The following CNIH3 variants were observed in gnomAD, a reference collection of about 807,000 sequenced individuals.
CNIH3 encodes protein cornichon homolog 3.
Under a neutral mutation model 24.1 loss-of-function variants are expected in CNIH3, and 14 were observed. That is an observed-to-expected ratio of 0.58 (90% confidence interval 0.38 to 0.91). The LOEUF (loss-of-function observed/expected upper bound fraction) is 0.91. Ranked by LOEUF, CNIH3 falls within the 40% of genes least tolerant of loss-of-function variation. The pLI is 0.00. For missense variants in CNIH3, 178 were observed against 196.8 expected (o/e 0.90, Z 0.57); for synonymous variants, 68 against 73.8 (o/e 0.92, Z 0.40).
chr1:224,448,961 C>CTT (rs397983008), intron 1 of CNIH3, among the ~76,000 whole-genome samples: 36 of 115,214 alleles, frequency 3.1e-4, no homozygotes, highest in African/African-American at 4.1e-4. Flanking sequence ...AGCTGGGATT[C>CTT]TTTTTTTTTT....
At position 224,568,291 on chromosome 1, in the gene CNIH3, ACAAACAAG is replaced by A. The variant is rs987805705; in HGVS notation, n.516+2035_516+2042del. 5.5e-5 allele frequency among the ~76,000 whole-genome samples: 5 copies of A among 91,448 alleles called. No homozygotes were observed. In the South Asian group the frequency reaches 1.3e-3, roughly 23 times the overall value. 60.0% of individuals were successfully genotyped at this position (91,448 alleles called of 152,430 possible). On this transcript the variant is annotated intron_variant and non_coding_transcript_variant, in intron 4 of 5. Transcript: ENST00000471578. ...GTGACAGAGCAAGACTCTGTCTCAA[ACAAACAAG>A]CAAACAAACAAAAAAAATTTATAAT...
intron 1 of CNIH3, among the ~76,000 whole-genome samples, chr1:224,617,620 G>A (rs1470619775): frequency 6.6e-6 from 1 of 152,250 alleles, no homozygotes; most frequent in Non-Finnish European, 1.5e-5. Context: ...CCGGCAATTA[G>A]TCAAGTAGCT....
At chr1:224,602,627 C>G (rs1019942928) in intron 3 of CNIH3, among the ~76,000 whole-genome samples, 1 of 152,052 alleles carries the variant, frequency 6.6e-6, no homozygotes, top group African/African-American at 2.4e-5. Context: ...AAGAGAAAAC[C>G]AAATAGAAGT....
chr1:224,701,007 A>G (rs375071618), intron 3 of CNIH3, among the ~76,000 whole-genome samples: 28 of 152,272 alleles, frequency 1.8e-4, no homozygotes, highest in African/African-American at 5.3e-4. Flanking sequence ...CAGGCACTTC[A>G]CTGCCCAGAA....
chr1:224,600,729 C>T (rs6698835), intron 3 of CNIH3, among the ~76,000 whole-genome samples: 3,970 of 152,222 alleles, frequency 0.026, 177 homozygotes, highest in African/African-American at 0.09. Flanking sequence ...AATTCATATG[C>T]TGAATACCCA....
At chr1:224,479,786 ATCCC>A (rs1246729050) in intron 1 of CNIH3, among the ~76,000 whole-genome samples, 1 of 152,190 alleles carries the variant, frequency 6.6e-6, no homozygotes, top group Admixed American at 6.5e-5. Context: ...GGGCAGCTCC[ATCCC>A]TGTGGCTTTG....
At chr1:224,710,247 C>T (rs897491110) in intron 3 of CNIH3, among the ~76,000 whole-genome samples, 3 of 152,236 alleles carry the variant, frequency 2.0e-5, no homozygotes, top group African/African-American at 7.2e-5. Flanking sequence ...ATTTACACCA[C>T]ATCTCTTGTC....
intron 5 of CNIH3, among the ~76,000 whole-genome samples, chr1:224,738,564 T>A (rs767953780): frequency 3.3e-5 from 5 of 152,208 alleles, no homozygotes; most frequent in Non-Finnish European, 5.9e-5. Flanking sequence ...TAGATGAATC[T>A]TTTTTTCTCA....
chr1:224,631,173 A>G (rs1405730828), intron 1 of CNIH3, among the ~76,000 whole-genome samples: 1 of 152,074 alleles, frequency 6.6e-6, no homozygotes, highest in Non-Finnish European at 1.5e-5. Flanking sequence ...AAACAACAAC[A>G]ACAACAACAA....
intron 3 of CNIH3, among the ~76,000 whole-genome samples, chr1:224,728,813 A>T (rs1393925154): frequency 6.6e-6 from 1 of 152,232 alleles, no homozygotes; most frequent in African/African-American, 2.4e-5. Context: ...TGTTGTAAAC[A>T]TATGCACTTG....
At chr1:224,519,217 C>T (rs1412045252) in intron 1 of CNIH3, among the ~76,000 whole-genome samples, 1 of 152,160 alleles carries the variant, frequency 6.6e-6, no homozygotes, top group Admixed American at 6.5e-5. Flanking sequence ...CTCACAGCAC[C>T]GCATGGCAGG....
intron 1 of CNIH3, among the ~76,000 whole-genome samples, chr1:224,466,060 C>T (rs1676141972): frequency 6.6e-6 from 1 of 152,040 alleles, no homozygotes; most frequent in Non-Finnish European, 1.5e-5. Flanking sequence ...AACAAAAACC[C>T]AGAAATTGGC....
chr1:224,523,690 A>G (rs923925912), intron 2 of CNIH3, among the ~76,000 whole-genome samples: 2 of 152,190 alleles, frequency 1.3e-5, no homozygotes, highest in African/African-American at 4.8e-5. Context: ...GCACTTCTCT[A>G]TATGTGTGTT....
chr1:224,645,200 C>G (rs1319221261), intron 1 of CNIH3, among the ~76,000 whole-genome samples: 1 of 152,194 alleles, frequency 6.6e-6, no homozygotes, highest in Non-Finnish European at 1.5e-5. Flanking sequence ...CGTGTTTGAT[C>G]AGTTCTCTCT....
chr1:224,437,366 T>G (rs997789651), intron 1 of CNIH3, among the ~76,000 whole-genome samples: 5 of 152,184 alleles, frequency 3.3e-5, no homozygotes, highest in African/African-American at 1.2e-4. Context: ...AAATAAGAGG[T>G]AACTTCTTGT....
chr1:224,575,057 GGT>G (rs1401359623), intron 4 of CNIH3: 4 of 876,078 alleles, frequency 4.6e-6, no homozygotes, highest in Non-Finnish European at 5.9e-6. Flanking sequence ...AAGGCATCAT[GGT>G]GACTGCCTAC....
intron 1 of CNIH3, among the ~76,000 whole-genome samples, chr1:224,453,288 T>G (rs1050033831): frequency 6.6e-6 from 1 of 151,996 alleles, no homozygotes; most frequent in Non-Finnish European, 1.5e-5. Flanking sequence ...TTCCAGTCCT[T>G]CCAGCTTCGC....
At chr1:224,484,955 G>A (rs972779690) in intron 1 of CNIH3, among the ~76,000 whole-genome samples, 1 of 152,126 alleles carries the variant, frequency 6.6e-6, no homozygotes, top group South Asian at 2.1e-4. Flanking sequence ...TTCTGGGTCA[G>A]TTTATCTTGA....
intron 3 of CNIH3, among the ~76,000 whole-genome samples, chr1:224,725,739 C>CCCTCATCTT (rs1688990497): frequency 6.6e-6 from 1 of 152,158 alleles, no homozygotes; most frequent in Admixed American, 6.5e-5. Context: ...CTCTTCATCT[C>CCCTCATCTT]CCTCATCTTC....
Sources: allele counts gnomAD v4.1 joint callset (sites outside exome capture counted in the v4.1 genomes callset), GRCh38; gene constraint gnomAD v4.1.1; transcripts MANE v1.5; gene names NCBI Gene and HGNC (gene_info 2026-07-23, HGNC 2026-07-21).